Variants in MYO18B observed in about 807,000 individuals in gnomAD.
MYO18B encodes myosin XVIIIB.
A neutral mutation model predicts 273.0 loss-of-function variants in MYO18B; 204 were observed. The ratio of observed to expected loss-of-function variants is 0.75; its 90% CI spans 0.67 to 0.84. The LOEUF (loss-of-function observed/expected upper bound fraction) is 0.84, where lower values mean the gene tolerates loss of function less well. Among genes scored for constraint, MYO18B ranks in the 40% least tolerant of loss-of-function variants. The pLI, the probability that MYO18B is intolerant of heterozygous loss-of-function variation, is 0.00. For missense variants in MYO18B, 3,212 were observed against 3,287.6 expected, an observed-to-expected ratio of 0.98 and a Z score of 0.56; for synonymous variants, 1,330 against 1,305.7, an observed-to-expected ratio of 1.02 and a Z score of -0.40.
At chr22:26,056,862 C>G in the MYO18B span, among the ~76,000 whole-genome samples, 1 of 152,140 alleles carries the variant, frequency 6.6e-6, no homozygotes, top group Non-Finnish European at 1.5e-5. Context: ...TGGGCCCGAG[C>G]GCTCACTGCT....
At chr22:25,796,430 A>G (rs762558202) in intron 11 of MYO18B, among the ~76,000 whole-genome samples, 15 of 151,896 alleles carry the variant, frequency 9.9e-5, no homozygotes, top group Non-Finnish European at 1.3e-4. Flanking sequence ...AAAAAAAATG[A>G]TAATAATAAA....
chr22:25,769,031 G>A lies in MYO18B; in HGVS notation c.1115G>A (p.Gly372Glu), dbSNP rs267606196. 2.5e-6 allele frequency: 4 copies of A among 1,611,650 alleles called. No homozygotes were observed. Among genetic ancestry groups the A allele is most frequent in the Non-Finnish European group, 2.5e-6 (3 of 1,178,902 alleles). The change falls in exon 4 of 44, where the codon GGG becomes GAG. Residue 372 changes from glycine (G) to glutamate (E), a missense_variant. Physicochemically the swap from Gly to Glu is moderately conservative, Grantham distance 98. Transcript: ENST00000335473. ...GAGTTGGGGGACGATCTGAGAATGG[G>A]GGAGAAAGCAGGTGAGCTTCGGAGC... The part of the protein sequence containing the change: ...QGELGDDLRM[G>E]EKAGELRSTT...
chr22:26,018,517 G>A (rs755607110), intron 42 of MYO18B, among the ~76,000 whole-genome samples: 2 of 152,150 alleles, frequency 1.3e-5, no homozygotes, highest in Non-Finnish European at 2.9e-5. Context: ...AGCCCTTGCT[G>A]GTCAAGGGTT....
At chr22:26,029,812 A>G (rs1050461929) in intron 43 of MYO18B, among the ~76,000 whole-genome samples, 5 of 152,126 alleles carry the variant, frequency 3.3e-5, no homozygotes, top group African/African-American at 1.2e-4. Flanking sequence ...GTTGGAAAAC[A>G]GGGGTAAGAA....
intron 2 of MYO18B, 73 bp downstream of exon 2, chr22:25,761,204 C>A: frequency 6.5e-7 from 1 of 1,544,320 alleles, no homozygotes. Flanking sequence ...CAAGTCCGAC[C>A]TTTCCCACCT....
chr22:25,930,552 C>T (rs8135093), intron 34 of MYO18B, among the ~76,000 whole-genome samples: 2,894 of 151,250 alleles, frequency 0.019, 93 homozygotes, highest in African/African-American at 0.065. Flanking sequence ...GCCCTGTCAT[C>T]CAGGCTGGAG....
At position 25,774,085 on chromosome 22, in the gene MYO18B, A is replaced by G. The variant is rs1004043883; in HGVS notation, c.1869+1575A>G. On this transcript the variant is annotated intron_variant, in intron 7 of 43. Coordinates refer to ENST00000335473, the MANE Select transcript of MYO18B (RefSeq NM_032608.7). Reference sequence around the variant, plus strand: ...CTCTGCCAACTGGGGGTGAAAACACATCTTGCCCTTTGGGGCCCTGTGGGA... The same window carrying G: ...CTCTGCCAACTGGGGGTGAAAACACGTCTTGCCCTTTGGGGCCCTGTGGGA... 2.6e-5 allele frequency among the ~76,000 whole-genome samples: 4 copies of G among 152,208 alleles called. No homozygotes were observed. The South Asian group carries it at 8.3e-4, about 32-fold the overall frequency.
intron 33 of MYO18B, among the ~76,000 whole-genome samples, chr22:25,911,904 A>G (rs778793675): frequency 6.6e-6 from 1 of 152,222 alleles, no homozygotes; most frequent in African/African-American, 2.4e-5. Context: ...CTGCTGCTGC[A>G]TGAAATCCCA....
At chr22:25,959,930 T>C (rs2092899461) in intron 39 of MYO18B, among the ~76,000 whole-genome samples, 2 of 152,216 alleles carry the variant, frequency 1.3e-5, no homozygotes, top group Non-Finnish European at 2.9e-5. Context: ...GATCCGGTGC[T>C]CTGGGCCCTG....
chr22:25,848,534 C>A (rs2090327268), intron 20 of MYO18B, among the ~76,000 whole-genome samples: 1 of 152,178 alleles, frequency 6.6e-6, no homozygotes, highest in African/African-American at 2.4e-5. Context: ...CCAGCGCAGG[C>A]TGGGAATGCC....
chr22:26,005,466 A>AC (rs1934345143), intron 42 of MYO18B, among the ~76,000 whole-genome samples: 1 of 152,194 alleles, frequency 6.6e-6, no homozygotes, highest in African/African-American at 2.4e-5. Flanking sequence ...CAGAATTGCC[A>AC]ACAACAACCG....
chr22:26,062,806 G>GTGCTTGGTA, the MYO18B span, among the ~76,000 whole-genome samples: 1 of 152,142 alleles, frequency 6.6e-6, no homozygotes, highest in African/African-American at 2.4e-5. Context: ...GCCAAGCCCT[G>GTGCTTGGTA]TGCTTGGTAT....
chr22:25,973,659 A>T (rs2093059037), intron 39 of MYO18B, among the ~76,000 whole-genome samples: 1 of 152,240 alleles, frequency 6.6e-6, no homozygotes. Flanking sequence ...ACATCAGGTG[A>T]TCAATAGCTA....
chr22:25,924,460 TGA>T (rs1347059337), intron 34 of MYO18B, among the ~76,000 whole-genome samples: 1 of 152,196 alleles, frequency 6.6e-6, no homozygotes, highest in African/African-American at 2.4e-5. Context: ...AATTTACATC[TGA>T]TGGAAAAGAA....
At chr22:25,745,699 C>G (rs1000960854) in intron 1 of MYO18B, among the ~76,000 whole-genome samples, 1 of 121,804 alleles carries the variant, frequency 8.2e-6, no homozygotes, top group African/African-American at 4.8e-5. Context: ...CAAGAATCGG[C>G]AAAGTGAGTT....
chr22:26,024,411 C>G (rs908238708), intron 42 of MYO18B, among the ~76,000 whole-genome samples: 1 of 152,094 alleles, frequency 6.6e-6, no homozygotes, highest in Non-Finnish European at 1.5e-5. Flanking sequence ...GCAGGGAGGG[C>G]TTGGCCTATC....
chr22:25,931,960 C>T (rs1432906441), intron 34 of MYO18B, among the ~76,000 whole-genome samples: 1 of 151,336 alleles, frequency 6.6e-6, no homozygotes, highest in African/African-American at 2.4e-5. Flanking sequence ...TGGTCTGAAA[C>T]TCCTGGGCTC....
intron 11 of MYO18B, among the ~76,000 whole-genome samples, chr22:25,792,481 CTTTTTTTTTTCTTTTCT>C (rs1459627135): frequency 7.4e-5 from 4 of 54,416 alleles, no homozygotes; most frequent in Admixed American, 5.4e-4. Flanking sequence ...TGTGATGTTT[CTTTTTTTTTTCTTTTCT>C]TTTTTTTTTT....
At chr22:25,764,950 C>T (rs996990783) in intron 3 of MYO18B, among the ~76,000 whole-genome samples, 1 of 152,100 alleles carries the variant, frequency 6.6e-6, no homozygotes, top group Non-Finnish European at 1.5e-5. Context: ...AGGGGGAGAG[C>T]CTGTGTGTTC....
Sources: allele counts gnomAD v4.1 joint callset (sites outside exome capture counted in the v4.1 genomes callset), GRCh38; gene constraint gnomAD v4.1.1; transcripts MANE v1.5; gene names NCBI Gene and HGNC (gene_info 2026-07-23, HGNC 2026-07-21).